Variants in GNG7 observed in about 807,000 individuals in gnomAD.
The protein encoded by GNG7 is guanine nucleotide-binding protein G(I)/G(S)/G(O) subunit gamma-7.
GNG7 carries 1 observed loss-of-function variant against 4.0 expected under a neutral mutation model. The ratio of observed to expected loss-of-function variants is 0.25; its 90% CI spans 0.09 to 1.18. GNG7 has a LOEUF of 1.18. Among genes scored for constraint, GNG7 ranks in the 50% most tolerant of loss-of-function variants. GNG7 has a pLI of 0.50. For synonymous variants in GNG7, 34 were observed against 36.9 expected (o/e 0.92, Z 0.29); for missense variants, 86 against 91.9 (o/e 0.94, Z 0.26).
rs1004162466 is a variant in GNG7, at chr19:2,513,414, C to T, written c.*1608G>A. ...GCGATCAGGGCTGCGTGGGGTCCAT[C>T]TCAGGTGTGGCCGCAGGTGATGCCG... On this transcript the variant is annotated 3_prime_UTR_variant, in exon 5 of 5. Coordinates refer to ENST00000382159, the MANE Select transcript of GNG7 (RefSeq NM_052847.3). 2.6e-6 allele frequency: 2 copies of T among 782,392 alleles called. No homozygotes were observed. The highest frequency in any genetic ancestry group is 1.9e-5 in the African/African-American group (1 of 53,074). 48.5% of individuals were successfully genotyped at this position (782,392 alleles called of 1,614,324 possible).
At chr19:2,691,799 G>A (rs1380522167) in intron 1 of GNG7, among the ~76,000 whole-genome samples, 5 of 151,522 alleles carry the variant, frequency 3.3e-5, no homozygotes, top group African/African-American at 9.7e-5. Flanking sequence ...CCCGGGAGGC[G>A]GAGGTTGCAG....
In GNG7 at chr19:2,515,391, G is replaced by A. The variant is rs1483652211; in HGVS notation, c.82-244C>T. 4.6e-5 allele frequency among the ~76,000 whole-genome samples: 7 copies of A among 152,074 alleles called. 1 individual carries two copies. The East Asian group carries it at 1.4e-3, about 29-fold the overall frequency. ...AAGGGCCTCATGCTCAGTGAGAGATGCCAGACACAGAAGGCCACACAGTGT... is the reference window on the plus strand; with the variant it reads ...AAGGGCCTCATGCTCAGTGAGAGATACCAGACACAGAAGGCCACACAGTGT... On this transcript the variant is annotated intron_variant, in intron 4 of 4. Transcript: ENST00000382159.
At chr19:2,536,692 G>C (rs1306417001) in intron 3 of GNG7, among the ~76,000 whole-genome samples, 2 of 152,124 alleles carry the variant, frequency 1.3e-5, no homozygotes, top group African/African-American at 4.8e-5. Context: ...CGGAGACCTG[G>C]TTCTGAGCAC....
intron 4 of GNG7, among the ~76,000 whole-genome samples, chr19:2,517,289 C>T (rs569669763): frequency 2.6e-5 from 4 of 152,072 alleles, no homozygotes; most frequent in African/African-American, 4.8e-5. Flanking sequence ...GTGATTCTCC[C>T]GCCTCAGCTG....
chr19:2,670,301 C>A (rs931598133), intron 1 of GNG7, among the ~76,000 whole-genome samples: 2 of 152,194 alleles, frequency 1.3e-5, no homozygotes, highest in Non-Finnish European at 2.9e-5. Context: ...GGGATAGACC[C>A]ACCCCACTGT....
intron 1 of GNG7, among the ~76,000 whole-genome samples, chr19:2,681,192 T>C (rs372856767): frequency 7.9e-5 from 12 of 151,856 alleles, no homozygotes; most frequent in African/African-American, 2.7e-4. Context: ...TTTTTTATTT[T>C]ATTGTTTTTG....
chr19:2,525,380 C>G (rs977070018), intron 3 of GNG7, among the ~76,000 whole-genome samples: 1 of 152,222 alleles, frequency 6.6e-6, no homozygotes, highest in African/African-American at 2.4e-5. Context: ...GGACGCCGCC[C>G]GGCCCCGCGC....
chr19:2,632,290 G>A (rs532173758), intron 2 of GNG7, among the ~76,000 whole-genome samples: 3 of 151,920 alleles, frequency 2.0e-5, no homozygotes, highest in South Asian at 4.2e-4. Flanking sequence ...TTAGCCAGGC[G>A]TGGTGTCAGG....
At chr19:2,665,805 C>T (rs1227702658) in intron 1 of GNG7, among the ~76,000 whole-genome samples, 4 of 152,214 alleles carry the variant, frequency 2.6e-5, no homozygotes, top group African/African-American at 9.7e-5. Context: ...AGCCATGGGT[C>T]ATGGCACATA....
At chr19:2,680,200 T>C (rs868101634) in intron 1 of GNG7, among the ~76,000 whole-genome samples, 1 of 144,624 alleles carries the variant, frequency 6.9e-6, no homozygotes, top group Non-Finnish European at 1.5e-5. Flanking sequence ...CAGGCTGGAG[T>C]GCAGTTGTGC....
chr19:2,696,886 A>G (rs1209650939), intron 1 of GNG7, among the ~76,000 whole-genome samples: 2 of 152,108 alleles, frequency 1.3e-5, no homozygotes, highest in Non-Finnish European at 2.9e-5. Context: ...GTTTTTTGAG[A>G]CAGAGTCTCG....
At chr19:2,528,634 A>C (rs1978490381) in intron 3 of GNG7, among the ~76,000 whole-genome samples, 1 of 152,122 alleles carries the variant, frequency 6.6e-6, no homozygotes, top group South Asian at 2.1e-4. Flanking sequence ...GCCCCGTTGC[A>C]TTTGAAGGGA....
At chr19:2,544,869 T>C (rs985629788) in intron 3 of GNG7, among the ~76,000 whole-genome samples, 1 of 151,834 alleles carries the variant, frequency 6.6e-6, no homozygotes, top group Non-Finnish European at 1.5e-5. Context: ...GAGAAGGATC[T>C]TACCCCACTG....
intron 1 of GNG7, among the ~76,000 whole-genome samples, chr19:2,649,420 C>G (rs1021935675): frequency 1.6e-5 from 1 of 63,264 alleles, no homozygotes; most frequent in Non-Finnish European, 3.5e-5. Flanking sequence ...CTTTTTGAGA[C>G]GGAGTCTTGC....
At chr19:2,619,022 AAAAC>A (rs1981797100) in intron 2 of GNG7, among the ~76,000 whole-genome samples, 1 of 152,182 alleles carries the variant, frequency 6.6e-6, no homozygotes, top group Non-Finnish European at 1.5e-5. Flanking sequence ...CTATCCATGA[AAAAC>A]AAACAAACAA....
chr19:2,567,682 G>A (rs1304994605), intron 2 of GNG7, among the ~76,000 whole-genome samples: 1 of 152,062 alleles, frequency 6.6e-6, no homozygotes, highest in African/African-American at 2.4e-5. Context: ...GTGCTCCAGC[G>A]GCAGAGCTGA....
intron 1 of GNG7, among the ~76,000 whole-genome samples, chr19:2,697,122 T>C (rs1335891677): frequency 6.6e-6 from 1 of 152,196 alleles, no homozygotes; most frequent in Non-Finnish European, 1.5e-5. Context: ...ATCACAGGAA[T>C]GTTCTGAAAG....
chr19:2,688,662 G>A (rs1913059784), intron 1 of GNG7, among the ~76,000 whole-genome samples: 3 of 152,120 alleles, frequency 2.0e-5, no homozygotes, highest in Non-Finnish European at 2.9e-5. Flanking sequence ...AAGAACCCCC[G>A]GAGACGAGCC....
chr19:2,521,025 G>A (rs1399203345), intron 3 of GNG7, among the ~76,000 whole-genome samples: 1 of 152,020 alleles, frequency 6.6e-6, no homozygotes, highest in Non-Finnish European at 1.5e-5. Flanking sequence ...GGAGGCTGAG[G>A]CAGGTGGATC....
Sources: allele counts gnomAD v4.1 joint callset (sites outside exome capture counted in the v4.1 genomes callset), GRCh38; gene constraint gnomAD v4.1.1; transcripts MANE v1.5; gene names NCBI Gene and HGNC (gene_info 2026-07-23, HGNC 2026-07-21).